Variants in PALM2AKAP2 observed in about 807,000 individuals in gnomAD.
PALM2AKAP2 encodes PALM2-AKAP2 fusion protein.
Under a neutral mutation model 71.5 loss-of-function variants are expected in PALM2AKAP2, and 37 were observed. The observed-to-expected ratio is 0.52, with a 90% CI of 0.40 to 0.68. The LOEUF (loss-of-function observed/expected upper bound fraction) is 0.68. Ranked by LOEUF, PALM2AKAP2 falls within the 30% of genes least tolerant of loss-of-function variation. The probability of loss-of-function intolerance (pLI) is 0.00; values close to 1 mark genes in which losing one functional copy is unlikely to be tolerated. For missense variants in PALM2AKAP2, 1,224 were observed against 1,191.8 expected (o/e 1.03, Z -0.40); for synonymous variants, 468 against 478.8 (o/e 0.98, Z 0.29).
At chr9:109,875,265 C>T (rs1044709583) in intron 2 of PALM2AKAP2, among the ~76,000 whole-genome samples, 2 of 152,224 alleles carry the variant, frequency 1.3e-5, no homozygotes, top group African/African-American at 4.8e-5. Flanking sequence ...ATGTTCAAGT[C>T]ATCAGAGAGA....
rs1410088331 is a variant in PALM2AKAP2, at chr9:109,718,486, A to G, written c.6-62002A>G. 2.6e-5 allele frequency among the ~76,000 whole-genome samples: 4 copies of G among 152,336 alleles called. No homozygotes were observed. In the East Asian group the frequency reaches 5.8e-4, roughly 22 times the overall value. ...ACTTTGCACTAAGTTGATTTATATTACAGTGTTGAGAAGCTCACTGTCTGG... is the reference window on the plus strand; with the variant it reads ...ACTTTGCACTAAGTTGATTTATATTGCAGTGTTGAGAAGCTCACTGTCTGG... On this transcript the variant is annotated intron_variant, in intron 1 of 6. Transcript: ENST00000374531.
intron 3 of PALM2AKAP2, among the ~76,000 whole-genome samples, chr9:109,903,912 A>T (rs1400637156): frequency 6.6e-6 from 1 of 152,142 alleles, no homozygotes. Context: ...GATAGAATGT[A>T]TTCTCATTCT....
chr9:110,017,481 T>G (rs554835475), intron 7 of PALM2AKAP2, among the ~76,000 whole-genome samples: 38 of 152,226 alleles, frequency 2.5e-4, no homozygotes, highest in Admixed American at 5.2e-4. Context: ...TGGCTATTAT[T>G]GCAATGATTG....
intron 1 of PALM2AKAP2, among the ~76,000 whole-genome samples, chr9:109,794,030 C>T (rs1456638577): frequency 6.6e-6 from 1 of 152,204 alleles, no homozygotes; most frequent in Non-Finnish European, 1.5e-5. Flanking sequence ...ATTTCAATGG[C>T]TGTATTTGCG....
intron 1 of PALM2AKAP2, among the ~76,000 whole-genome samples, chr9:109,721,519 A>G (rs999444079): frequency 6.6e-6 from 1 of 152,112 alleles, no homozygotes; most frequent in Non-Finnish European, 1.5e-5. Flanking sequence ...TTTTCTTAAA[A>G]TTTTCTCAGA....
chr9:109,657,264 A>C (rs1007559648), intron 1 of PALM2AKAP2, among the ~76,000 whole-genome samples: 4 of 152,378 alleles, frequency 2.6e-5, no homozygotes, highest in African/African-American at 7.2e-5. Flanking sequence ...TTCTTCAGGC[A>C]CCAGCCTGAT....
intron 3 of PALM2AKAP2, among the ~76,000 whole-genome samples, chr9:109,923,170 A>G (rs1183223443): frequency 6.6e-6 from 1 of 152,172 alleles, no homozygotes; most frequent in Non-Finnish European, 1.5e-5. Context: ...AATTGAGGAA[A>G]GTTCCAAAAG....
At chr9:109,862,992 A>G (rs569961822) in intron 1 of PALM2AKAP2, 9 of 489,398 alleles carry the variant, frequency 1.8e-5, no homozygotes, top group African/African-American at 3.9e-5. Context: ...CTCACTGGCT[A>G]TGCTAGGGAA....
intron 1 of PALM2AKAP2, among the ~76,000 whole-genome samples, chr9:110,124,526 G>A (rs1029495366): frequency 8.5e-5 from 13 of 152,202 alleles, no homozygotes; most frequent in African/African-American, 4.8e-5. Context: ...TCCAGGGAAC[G>A]AGGTGGACGG....
intron 1 of PALM2AKAP2, among the ~76,000 whole-genome samples, chr9:109,795,242 A>G (rs1021786281): frequency 6.6e-6 from 1 of 152,226 alleles, no homozygotes; most frequent in East Asian, 1.9e-4. Context: ...TCCTTTGGGG[A>G]AAAAAATAAC....
At chr9:110,067,537 T>C (rs1016483961) in intron 1 of PALM2AKAP2, among the ~76,000 whole-genome samples, 1 of 152,160 alleles carries the variant, frequency 6.6e-6, no homozygotes, top group Admixed American at 6.5e-5. Context: ...CACCCAACAA[T>C]AGATTTTTTA....
chr9:110,038,935 C>CA (rs71373959), intron 7 of PALM2AKAP2, among the ~76,000 whole-genome samples: 2,172 of 78,354 alleles, frequency 0.028, 65 homozygotes, highest in Middle Eastern at 0.071. Flanking sequence ...AACTCGGTCT[C>CA]AAAAAAAAAA....
At chr9:109,725,558 C>G (rs1041261574) in intron 1 of PALM2AKAP2, among the ~76,000 whole-genome samples, 3 of 152,040 alleles carry the variant, frequency 2.0e-5, no homozygotes, top group African/African-American at 7.2e-5. Context: ...CAGAGATGCT[C>G]GTTATGGTAT....
intron 7 of PALM2AKAP2, among the ~76,000 whole-genome samples, chr9:110,018,037 A>G (rs1405697700): frequency 1.3e-5 from 2 of 151,880 alleles, no homozygotes; most frequent in Non-Finnish European, 1.5e-5. Flanking sequence ...CAAATGGCAT[A>G]TTCTAATAGA....
intron 1 of PALM2AKAP2, among the ~76,000 whole-genome samples, chr9:109,722,204 A>G (rs1301945943): frequency 2.0e-5 from 3 of 152,226 alleles, no homozygotes; most frequent in Non-Finnish European, 4.4e-5. Flanking sequence ...TTAAAAAGGA[A>G]ATTATTTATA....
At chr9:109,783,953 A>C (rs1315436837) in intron 1 of PALM2AKAP2, among the ~76,000 whole-genome samples, 1 of 152,256 alleles carries the variant, frequency 6.6e-6, no homozygotes, top group Non-Finnish European at 1.5e-5. Context: ...CAGTGCTTTA[A>C]TGGAATCTTC....
At chr9:110,026,046 CTTCT>C (rs1833176607) in intron 7 of PALM2AKAP2, among the ~76,000 whole-genome samples, 3 of 152,048 alleles carry the variant, frequency 2.0e-5, no homozygotes, top group Middle Eastern at 3.4e-3. Context: ...ATCAATCTCT[CTTCT>C]TTCTATTTCT....
rs571649636 is a variant in PALM2AKAP2 at position 109,837,408 on chromosome 9, C to G, written c.46-30083C>G. On this transcript the variant is annotated intron_variant, in intron 1 of 9. Coordinates refer to the PALM2AKAP2 transcript ENST00000302798. ...AAACATGGAAAGGAAGAACCAGTAC[C>G]AGCCACTGCAAAAACATGCCAAATT... Among the ~76,000 whole-genome samples the G allele has an allele frequency of 6.6e-5, 10 of 152,268 alleles. No individual in the cohort carries two copies. The East Asian group carries it at 9.7e-4, about 15-fold the overall frequency.
At chr9:109,772,259 C>G (rs1322911737) in intron 1 of PALM2AKAP2, among the ~76,000 whole-genome samples, 1 of 152,122 alleles carries the variant, frequency 6.6e-6, no homozygotes, top group Admixed American at 6.5e-5. Context: ...GGAGTGGCTA[C>G]CTTCCATGTG....
Sources: allele counts gnomAD v4.1 joint callset (sites outside exome capture counted in the v4.1 genomes callset), GRCh38; gene constraint gnomAD v4.1.1; transcripts MANE v1.5; gene names NCBI Gene and HGNC (gene_info 2026-07-23, HGNC 2026-07-21).